The following YTHDC1 variants were observed in gnomAD, a reference collection of about 807,000 sequenced individuals.
YTHDC1 encodes YTH N6-methyladenosine RNA binding protein C1, also known as YTH domain-containing protein 1.
Under a neutral mutation model 107.0 loss-of-function variants are expected in YTHDC1, and 12 were observed. The observed-to-expected ratio is 0.11, with a 90% confidence interval of 0.07 to 0.18. YTHDC1 has a LOEUF of 0.18. Among genes scored for constraint, YTHDC1 ranks in the 10% least tolerant of loss-of-function variants. YTHDC1 has a pLI of 1.00. For missense variants in YTHDC1, 635 were observed against 898.8 expected (o/e 0.71, Z 3.75); for synonymous variants, 280 against 289.5 (o/e 0.97, Z 0.33).
chr4:68,321,950 G>C (rs1722490631), intron 11 of YTHDC1, among the ~76,000 whole-genome samples: 1 of 152,130 alleles, frequency 6.6e-6, no homozygotes, highest in South Asian at 2.1e-4. Flanking sequence ...GGAAAATGCT[G>C]TTTAGTTCAT....
At chr4:68,348,414 G>C (rs1725684381) in intron 1 of YTHDC1, among the ~76,000 whole-genome samples, 1 of 147,902 alleles carries the variant, frequency 6.8e-6, no homozygotes. Context: ...CTAATTAAAA[G>C]CATTTTCCTT....
Position 68,337,260 on chromosome 4 carries a change from TCTTCTA to T in YTHDC1, c.644_649del (p.Val215_Glu216del). ...CACCTCTTCATCTTCTTCTGCATCT[TCTTCTA>T]CTTCTTCATCTTCCTCCACATCTTC... On this transcript the variant is annotated inframe_deletion, in exon 4 of 17. Transcript: ENST00000344157. The T allele has an allele frequency of 6.2e-7, 1 of 1,609,028 alleles. No individual in the cohort carries two copies.
chr4:68,313,864 T>C lies in YTHDC1; in HGVS notation c.*235A>G. On this transcript the variant is annotated 3_prime_UTR_variant, in exon 17 of 17. Transcript: ENST00000344157. ...GTATCTACATTCTTGGACTGTTCCATTCTGCCCCAATAAAAGTGTCAATTC... is the reference window on the plus strand; with the variant it reads ...GTATCTACATTCTTGGACTGTTCCACTCTGCCCCAATAAAAGTGTCAATTC... 5.2e-6 allele frequency: 3 copies of C among 579,528 alleles called. No homozygotes were observed. The highest frequency in any genetic ancestry group is 6.1e-6 in the Non-Finnish European group (2 of 327,310). 35.9% of individuals were successfully genotyped at this position (579,528 alleles called of 1,614,324 possible).
Position 68,318,815 on chromosome 4 carries a change from A to T in YTHDC1, c.1721+11T>A, listed in dbSNP as rs1285767891. On this transcript the variant is annotated intron_variant, in intron 13 of 16. Transcript: ENST00000344157. ...GTAATTCAAAACTAGGCAAGAGTGA[A>T]CCCGACTTACCTGTCCACTTCCTGG... is the stretch of plus-strand genomic sequence containing the variant. 4 of 1,614,140 alleles carry T rather than the reference A, an allele frequency of 2.5e-6. No individual in the cohort carries two copies. Among genetic ancestry groups the T allele is most frequent in the Non-Finnish European group, 3.4e-6 (4 of 1,179,988 alleles).
At chr4:68,326,638 T>A (rs1161050574) in intron 9 of YTHDC1, among the ~76,000 whole-genome samples, 1 of 152,226 alleles carries the variant, frequency 6.6e-6, no homozygotes, top group East Asian at 2.0e-4. Flanking sequence ...TTACCCAGAC[T>A]GGAGTGCAGC....
chr4:68,314,407 T>G, intron 16 of YTHDC1, 84 bp from the exon 17 acceptor site: 1 of 1,122,798 alleles, frequency 8.9e-7, no homozygotes, highest in South Asian at 2.0e-5. Context: ...AAAATTTATA[T>G]AAACAATTTT....
intron 7 of YTHDC1, among the ~76,000 whole-genome samples, chr4:68,330,708 A>G (rs1723481145): frequency 1.3e-5 from 2 of 152,166 alleles, no homozygotes; most frequent in South Asian, 4.1e-4. Flanking sequence ...ACCTGATCAA[A>G]TAATTTAAAA....
At chr4:68,338,144 G>A (rs2109731664) in intron 2 of YTHDC1, 139 bp downstream of exon 2, 1 of 1,298,862 alleles carries the variant, frequency 7.7e-7, no homozygotes, top group East Asian at 2.6e-5. Context: ...CTATTCATAT[G>A]GATACCAGTT....
At chr4:68,345,921 CTAGATATGTAG>C (rs1287847638) in intron 1 of YTHDC1, among the ~76,000 whole-genome samples, 2 of 151,806 alleles carry the variant, frequency 1.3e-5, no homozygotes, top group Non-Finnish European at 2.9e-5. Context: ...ACCATACAGC[CTAGATATGTAG>C]TAGGTTATGC....
Position 68,313,920 on chromosome 4 carries a change from GAGTTTTTCCAGTTCTT to G in YTHDC1, c.*163_*178del. The G allele has an allele frequency of 1.5e-6, 1 of 681,006 alleles. No individual in the cohort carries two copies. The highest frequency in any genetic ancestry group is 2.4e-6 in the Non-Finnish European group (1 of 408,178). The allele number at this position is 681,006 out of a possible 1,614,324, so 42.2% of individuals were successfully genotyped here. On this transcript the variant is annotated 3_prime_UTR_variant, in exon 17 of 17. Transcript: ENST00000344157. ...TCAGCTGTGGATTTTTGGCGGATTT[GAGTTTTTCCAGTTCTT>G]ATGATACTGCATGCTTGGAACAAAG...
intron 16 of YTHDC1, among the ~76,000 whole-genome samples, chr4:68,315,546 A>T (rs1484255594): frequency 6.6e-6 from 1 of 152,198 alleles, no homozygotes; most frequent in Non-Finnish European, 1.5e-5. Flanking sequence ...TAAGGCTATC[A>T]AACTTATATG....
chr4:68,346,098 T>TACAC (rs71218948), intron 1 of YTHDC1, among the ~76,000 whole-genome samples: 2 of 141,496 alleles, frequency 1.4e-5, no homozygotes, highest in African/African-American at 5.4e-5. Flanking sequence ...TATATATATA[T>TACAC]ATACACACAC....
Position 68,318,831 on chromosome 4 carries a change from C to G in YTHDC1, c.1716G>C (p.Val572=), listed in dbSNP as rs1722137500. ...GYLKDPRYQE[V]DRRFSGVRRD... is the part of the protein sequence containing the mutation. Reference sequence around the variant, plus strand: ...CAAGAGTGAACCCGACTTACCTGTCCACTTCCTGGTATCGTGGATCCTTTA... The same window carrying G: ...CAAGAGTGAACCCGACTTACCTGTCGACTTCCTGGTATCGTGGATCCTTTA... The change falls in exon 13 of 17, where the codon GTG becomes GTC. Residue 572 remains valine (V), a synonymous_variant. Transcript: ENST00000344157. The G allele has an allele frequency of 2.5e-6, 4 of 1,614,130 alleles. No individual in the cohort carries two copies. In the East Asian group the frequency reaches 8.9e-5, roughly 36 times the overall value.
intron 1 of YTHDC1, among the ~76,000 whole-genome samples, chr4:68,344,547 C>A (rs1327600935): frequency 1.3e-5 from 2 of 152,182 alleles, no homozygotes; most frequent in African/African-American, 4.8e-5. Flanking sequence ...TTTGGAATTG[C>A]ATGACTCTTC....
rs1291472680 is a variant in YTHDC1, at chr4:68,313,364, T to A, written c.*735A>T. ...TTTATTTTATACAAAACAGTAGCAATGTAGAATATGGGAATCGTCTTCCGC... is the reference window on the plus strand; with the variant it reads ...TTTATTTTATACAAAACAGTAGCAAAGTAGAATATGGGAATCGTCTTCCGC... On this transcript the variant is annotated 3_prime_UTR_variant, in exon 17 of 17. Coordinates refer to ENST00000344157, the MANE Select transcript of YTHDC1 (RefSeq NM_001031732.4). 6.6e-6 allele frequency: 1 copy of A among 152,516 alleles called. No homozygotes were observed. The highest frequency in any genetic ancestry group is 1.5e-5 in the Non-Finnish European group (1 of 68,018). The allele number at this position is 152,516 out of a possible 1,614,324, so 9.4% of individuals were successfully genotyped here. A position where few individuals can be genotyped will look rare whatever the true frequency, so the allele number is the denominator to read the frequency against.
At chr4:68,336,919 C>G in intron 4 of YTHDC1, 108 bp downstream of exon 4, 1 of 1,379,378 alleles carries the variant, frequency 7.2e-7, no homozygotes, top group South Asian at 1.5e-5. Context: ...ACAAGACAAT[C>G]CTATTAATAT....
chr4:68,347,598 AT>A, intron 1 of YTHDC1, among the ~76,000 whole-genome samples: 1 of 152,306 alleles, frequency 6.6e-6, no homozygotes, highest in African/African-American at 2.4e-5. Context: ...ATAATTGCCA[AT>A]TTCTGCAACT....
chr4:68,337,825 A>G lies in YTHDC1; in HGVS notation c.206T>C (p.Leu69Pro), dbSNP rs1278195187. 83 of 1,613,964 alleles carry G rather than the reference A, an allele frequency of 5.1e-5. 2 individuals carry two copies. The Admixed American group carries it at 1.4e-3, about 27-fold the overall frequency. The change falls in exon 3 of 17, where the codon CTG (leucine) becomes CCG (proline). Residue 69 changes from leucine (L) to proline (P), a missense_variant. Around this residue, in one of 5 missense-constraint regions of YTHDC1, gnomAD observed 294 missense variants for 312.3 expected, o/e 0.94. Coordinates refer to ENST00000344157, the MANE Select transcript of YTHDC1 (RefSeq NM_001031732.4). ...RQKPSVHSRQ[L>P]VSKPLSSSVS... The stretch of plus-strand genomic sequence containing the variant: ...AGATGAGCTCAGTGGCTTAGAAACC[A>G]GTTGTCTAGAATGGACAGAAGGCTT...
Position 68,335,061 on chromosome 4 carries a change from T to C in YTHDC1, c.884-1664A>G, listed in dbSNP as rs141904870. Among the ~76,000 whole-genome samples the C allele has an allele frequency of 1.2e-4, 19 of 152,248 alleles. No individual in the cohort carries two copies. In the East Asian group the frequency reaches 3.3e-3, roughly 26 times the overall value. On this transcript the variant is annotated intron_variant, in intron 4 of 16. Coordinates refer to ENST00000344157, the MANE Select transcript of YTHDC1 (RefSeq NM_001031732.4). ...AGTTTATGGCCCTCTCCCCCAACTA[T>C]TACTCTCAGGTCAAAAGAACAATGA...
Sources: gnomAD v4.1 joint callset for allele counts (sites outside exome capture counted in the v4.1 genomes callset) on GRCh38, gnomAD v4.1.1 for gene constraint, gnomAD v4.1.1 regional missense constraint, MANE v1.5 for transcripts, NCBI Gene and HGNC (gene_info 2026-07-23, HGNC 2026-07-21) for gene names.